BIRC2: variants seen among roughly 807,000 people sequenced by gnomAD.
BIRC2 encodes baculoviral IAP repeat containing 2, also known as baculoviral IAP repeat-containing protein 2.
BIRC2 carries 18 observed loss-of-function variants against 60.9 expected under a neutral mutation model. The observed-to-expected ratio is 0.30, with a 90% confidence interval of 0.20 to 0.44. The LOEUF is 0.44. Ranked by LOEUF, BIRC2 falls within the 20% of genes least tolerant of loss-of-function variation. The pLI is 1.00. For synonymous variants in BIRC2, 282 were observed against 247.7 expected, an observed-to-expected ratio of 1.14 and a Z score of -1.30; for missense variants, 701 against 728.5, an observed-to-expected ratio of 0.96 and a Z score of 0.43.
intron 3 of BIRC2, among the ~76,000 whole-genome samples, chr11:102,353,597 C>A (rs1951386889): frequency 6.6e-6 from 1 of 151,978 alleles, no homozygotes; most frequent in South Asian, 2.1e-4. Context: ...GGCTTACAGG[C>A]ATGAGCCACT....
Position 102,349,814 on chromosome 11 carries a change from A to G in BIRC2, c.-41A>G, listed in dbSNP as rs1258629210. ...ATCTTAGTTCATGTGAAGAAATTTC[A>G]TGTGAATGTTTTAGCTATCAAACAG... On this transcript the variant is annotated 5_prime_UTR_variant, in exon 2 of 9. It removes an upstream start codon present in the reference 5' UTR. Coordinates refer to ENST00000227758, the MANE Select transcript of BIRC2 (RefSeq NM_001166.5). 12 of 1,518,970 alleles carry G rather than the reference A, an allele frequency of 7.9e-6. No homozygotes were observed. Among genetic ancestry groups the G allele is most frequent in the Non-Finnish European group, 1.1e-5 (12 of 1,133,360 alleles). The allele number at this position is 1,518,970 out of a possible 1,614,324, so 94.1% of individuals were successfully genotyped here. A position where few individuals can be genotyped will look rare whatever the true frequency, so the allele number is the denominator to read the frequency against.
chr11:102,364,174 TACACACAC>T (rs376590420), intron 5 of BIRC2, among the ~76,000 whole-genome samples: 1 of 78,120 alleles, frequency 1.3e-5, no homozygotes, highest in African/African-American at 6.7e-5. Flanking sequence ...TATATATATA[TACACACAC>T]ACACAGAGAG....
Position 102,377,587 on chromosome 11 carries a change from T to C in BIRC2, c.1458T>C (p.Asn486=), listed in dbSNP as rs1951728800. ...TCCTGGATAATCTTTTAAAGGCCAA[T>C]GTAATTAATAAACAGGAACATGATA... is the stretch of plus-strand genomic sequence containing the variant. The part of the protein sequence containing the change: ...LPILDNLLKA[N]VINKQEHDII... The change falls in exon 7 of 9, where the codon AAT becomes AAC. Residue 486 remains asparagine, a synonymous_variant. Coordinates refer to ENST00000227758, the MANE Select transcript of BIRC2 (RefSeq NM_001166.5). The C allele has an allele frequency of 6.2e-7, 1 of 1,611,790 alleles. No homozygotes were observed. Among genetic ancestry groups the C allele is most frequent in the Non-Finnish European group, 8.5e-7 (1 of 1,178,886 alleles).
At position 102,368,490 on chromosome 11, in the gene BIRC2, T is replaced by C. The variant is rs1388056176; in HGVS notation, c.1308T>C (p.Asn436=). The C allele has an allele frequency of 6.2e-7, 1 of 1,613,880 alleles. No individual in the cohort carries two copies. ...ATGATATTGTGTCAGCACTTCTTAA[T>C]GCTGAAGATGAAAAAAGAGAAGAGG... ...TVNDIVSALL[N]AEDEKREEEK... Residue 436 remains asparagine, a synonymous_variant, in exon 6 of 9, where the codon AAT becomes AAC. Transcript: ENST00000227758.
At position 102,362,994 on chromosome 11, in the gene BIRC2, TAAC is replaced by T. The variant is rs1951503084; in HGVS notation, c.1074+25_1074+27del. The T allele has an allele frequency of 2.6e-6, 4 of 1,526,346 alleles. No homozygotes were observed. The highest frequency in any genetic ancestry group is 2.7e-6 in the Non-Finnish European group (3 of 1,104,352). 94.6% of individuals were successfully genotyped at this position (1,526,346 alleles called of 1,614,324 possible). ...GAACAGGTAAATACATTTTTAAAAT[TAAC>T]AACATTGAATTCTGCTTTATAATAA... On this transcript the variant is annotated intron_variant, in intron 4 of 8. Coordinates refer to ENST00000227758, the MANE Select transcript of BIRC2 (RefSeq NM_001166.5).
At chr11:102,359,656 C>G (rs2135810877) in intron 3 of BIRC2, among the ~76,000 whole-genome samples, 1 of 152,316 alleles carries the variant, frequency 6.6e-6, no homozygotes, top group South Asian at 2.1e-4. Context: ...TTGAATATAT[C>G]ATCCAACTCT....
intron 6 of BIRC2, among the ~76,000 whole-genome samples, chr11:102,375,660 G>T (rs1361853316): frequency 6.6e-6 from 1 of 151,884 alleles, no homozygotes; most frequent in African/African-American, 2.4e-5. Context: ...GATGCCTGTA[G>T]TCCCAGCTAT....
intron 7 of BIRC2, 49 bp downstream of exon 7, chr11:102,377,799 TG>T (rs1951731967): frequency 6.9e-6 from 11 of 1,595,128 alleles, no homozygotes; most frequent in Non-Finnish European, 9.4e-6. Flanking sequence ...ACTGGCCAGA[TG>T]CGGTGGCTCA....
intron 6 of BIRC2, among the ~76,000 whole-genome samples, chr11:102,371,912 A>C (rs907257093): frequency 2.0e-5 from 3 of 152,160 alleles, no homozygotes; most frequent in Non-Finnish European, 2.9e-5. Flanking sequence ...GTATGTGTTG[A>C]GGAATTTATC....
chr11:102,363,236 TG>T (rs1353159927), intron 4 of BIRC2, among the ~76,000 whole-genome samples: 7 of 152,242 alleles, frequency 4.6e-5, no homozygotes, highest in African/African-American at 1.7e-4. Flanking sequence ...TAAAAAAGAT[TG>T]TTTTTTTGTT....
At chr11:102,374,521 C>T (rs541324715) in intron 6 of BIRC2, among the ~76,000 whole-genome samples, 17 of 150,832 alleles carry the variant, frequency 1.1e-4, no homozygotes, top group Non-Finnish European at 1.5e-4. Context: ...GGCAGTCTGC[C>T]GGTTCTCAGA....
chr11:102,370,079 G>A (rs1040595436), intron 6 of BIRC2, among the ~76,000 whole-genome samples: 10 of 151,754 alleles, frequency 6.6e-5, no homozygotes, highest in African/African-American at 1.5e-4. Context: ...TTTGTCAGAT[G>A]AGTAGGTTGC....
intron 6 of BIRC2, among the ~76,000 whole-genome samples, chr11:102,375,585 C>T (rs902184988): frequency 6.6e-6 from 1 of 152,086 alleles, no homozygotes; most frequent in East Asian, 1.9e-4. Context: ...TTGAGACCAT[C>T]CTGGCTAACA....
intron 5 of BIRC2, among the ~76,000 whole-genome samples, chr11:102,365,970 T>C (rs182526033): frequency 5.8e-4 from 89 of 152,346 alleles, no homozygotes; most frequent in Non-Finnish European, 9.8e-4. Flanking sequence ...TGGTTGGTCC[T>C]GAACAATTTC....
At chr11:102,364,174 T>TATATATATATATATATATATAC (rs1389968594) in intron 5 of BIRC2, among the ~76,000 whole-genome samples, 24 of 78,062 alleles carry the variant, frequency 3.1e-4, no homozygotes, top group South Asian at 1.3e-3. Context: ...TATATATATA[T>TATATATATATATATATATATAC]ACACACACAC....
chr11:102,365,848 C>T (rs1256677534), intron 5 of BIRC2, among the ~76,000 whole-genome samples: 1 of 152,190 alleles, frequency 6.6e-6, no homozygotes, highest in Non-Finnish European at 1.5e-5. Flanking sequence ...CTGCCTCGGC[C>T]TCCCATAGTG....
At position 102,349,683 on chromosome 11, in the gene BIRC2, C is replaced by A; in HGVS notation, c.-172C>A. 1.5e-6 allele frequency: 1 copy of A among 669,030 alleles called. No homozygotes were observed. Among genetic ancestry groups the A allele is most frequent in the Non-Finnish European group, 2.4e-6 (1 of 414,324 alleles). The allele number at this position is 669,030 out of a possible 1,614,324, so 41.4% of individuals were successfully genotyped here. ...TGTTCTAAGTAGTATCTTGGTAATT[C>A]AGAGAGATACTCATCCTACCTGAAT... On this transcript the variant is annotated 5_prime_UTR_variant, in exon 2 of 9. Transcript: ENST00000227758.
rs150042748 is a variant in BIRC2 at position 102,350,558 on chromosome 11, A to T, written c.704A>T (p.Asp235Val). Residue 235 changes from aspartate (D) to valine (V), a missense_variant, in exon 2 of 9, where the codon GAT (aspartate) becomes GTT (valine). Around this residue, in one of 4 missense-constraint regions of BIRC2, gnomAD observed 375 missense variants for 365.9 expected, o/e 1.02. Coordinates refer to ENST00000227758, the MANE Select transcript of BIRC2 (RefSeq NM_001166.5). ...CTCAGTAACTGGGAACCAAAGGATG[A>T]TGCTATGTCAGAACACCGGAGGCAT... The part of the protein sequence containing the change: ...GKLSNWEPKD[D>V]AMSEHRRHFP... 5 of 1,614,078 alleles carry T rather than the reference A, an allele frequency of 3.1e-6. No individual in the cohort carries two copies. In the African/African-American group the frequency reaches 4.0e-5, roughly 13 times the overall value.
At chr11:102,360,753 T>A (rs1380056903) in intron 3 of BIRC2, among the ~76,000 whole-genome samples, 1 of 151,634 alleles carries the variant, frequency 6.6e-6, no homozygotes, top group Non-Finnish European at 1.5e-5. Context: ...ACGAATTACT[T>A]CTAGACATTA....
Sources: gnomAD v4.1 joint callset for allele counts (sites outside exome capture counted in the v4.1 genomes callset) on GRCh38, gnomAD v4.1.1 for gene constraint, gnomAD v4.1.1 regional missense constraint, MANE v1.5 for transcripts, NCBI Gene and HGNC (gene_info 2026-07-23, HGNC 2026-07-21) for gene names.